Variants in DNAH11 observed in about 807,000 individuals in gnomAD.
The protein encoded by DNAH11 is axonemal beta dynein heavy chain 11.
DNAH11 carries 442 observed loss-of-function variants against 526.0 expected under a neutral mutation model. The observed-to-expected ratio is 0.84, with a 90% CI of 0.78 to 0.91. DNAH11 has a LOEUF of 0.91. DNAH11 is among the 40% of genes least tolerant of loss of function. The pLI is 0.00. For synonymous variants in DNAH11, 2,461 were observed against 1,935.9 expected, an observed-to-expected ratio of 1.27 and a Z score of -7.12; for missense variants, 6,989 against 5,448.7, an observed-to-expected ratio of 1.28 and a Z score of -8.90.
intron 18 of DNAH11, among the ~76,000 whole-genome samples, chr7:21,604,339 A>G (rs1785202634): frequency 6.6e-6 from 1 of 152,134 alleles, no homozygotes; most frequent in African/African-American, 2.4e-5. Context: ...CCTCACAGCA[A>G]CAGCCCCTTA....
At chr7:21,733,306 T>G (rs1785462084) in intron 45 of DNAH11, among the ~76,000 whole-genome samples, 2 of 152,152 alleles carry the variant, frequency 1.3e-5, no homozygotes, top group African/African-American at 4.8e-5. Flanking sequence ...GAGAATTGCT[T>G]GAACTCAGGA....
At chr7:21,648,615 A>G (rs1199994939) in intron 28 of DNAH11, among the ~76,000 whole-genome samples, 2 of 152,244 alleles carry the variant, frequency 1.3e-5, no homozygotes, top group Non-Finnish European at 2.9e-5. Context: ...GGACTAGCTG[A>G]GGCAACCCAA....
intron 36 of DNAH11, among the ~76,000 whole-genome samples, chr7:21,701,859 G>A (rs1021550021): frequency 1.3e-5 from 2 of 152,240 alleles, no homozygotes; most frequent in South Asian, 2.1e-4. Context: ...GAGGTAAAGT[G>A]TCTTTCCCAT....
chr7:21,899,387 C>A lies in DNAH11; in HGVS notation c.13101C>A (p.Asp4367Glu). The A allele has an allele frequency of 6.2e-7, 1 of 1,614,022 alleles. No homozygotes were observed. Among genetic ancestry groups the A allele is most frequent in the Non-Finnish European group, 8.5e-7 (1 of 1,179,884 alleles). Residue 4367 changes from aspartate (D) to glutamate (E), a missense_variant, in exon 80 of 82, where the codon GAC becomes GAA. Coordinates refer to ENST00000409508, the MANE Select transcript of DNAH11 (RefSeq NM_001277115.2). Reference sequence around the variant, plus strand: ...GAGAACTCGATACTTGGACACAAGACCTTACCCTTCCGGCTGTCGTGTGGC... The same window carrying A: ...GAGAACTCGATACTTGGACACAAGAACTTACCCTTCCGGCTGTCGTGTGGC... ...RCRELDTWTQDLTLPAVVWLS... is the reference protein window; with the variant it reads ...RCRELDTWTQELTLPAVVWLS...
intron 45 of DNAH11, among the ~76,000 whole-genome samples, chr7:21,730,776 G>A (rs11984111): frequency 0.02 from 3,110 of 152,244 alleles, 111 homozygotes; most frequent in African/African-American, 0.07. Context: ...CATGGTGACT[G>A]TAATTAATAA....
At chr7:21,817,107 C>G (rs1277214781) in intron 64 of DNAH11, among the ~76,000 whole-genome samples, 3 of 152,106 alleles carry the variant, frequency 2.0e-5, no homozygotes, top group Non-Finnish European at 4.4e-5. Flanking sequence ...ATAGAAGGAT[C>G]TTAACATGGC....
chr7:21,594,526 A>G lies in DNAH11; in HGVS notation c.2667+2949A>G, dbSNP rs576828946. 2.6e-5 allele frequency among the ~76,000 whole-genome samples: 4 copies of G among 152,284 alleles called. No homozygotes were observed. The East Asian group carries it at 5.8e-4, about 22-fold the overall frequency. On this transcript the variant is annotated intron_variant, in intron 14 of 81. Transcript: ENST00000409508. ...TGCAGGAAAAAGATCAAATTGGAGC[A>G]GGGCAAGGGAATTCTGGAGGGTGGG...
chr7:21,716,632 T>C (rs192435149), intron 42 of DNAH11, among the ~76,000 whole-genome samples: 5 of 152,294 alleles, frequency 3.3e-5, no homozygotes, highest in African/African-American at 4.8e-5. Context: ...GCAGCTGATA[T>C]GGGGTAAAAT....
At chr7:21,696,810 T>C (rs946090505) in intron 35 of DNAH11, among the ~76,000 whole-genome samples, 5 of 152,178 alleles carry the variant, frequency 3.3e-5, no homozygotes, top group African/African-American at 1.2e-4. Context: ...GAGGAGTGGG[T>C]ACCTCATAGT....
intron 69 of DNAH11, among the ~76,000 whole-genome samples, chr7:21,863,108 A>G (rs1454704735): frequency 1.3e-5 from 2 of 151,880 alleles, no homozygotes; most frequent in Non-Finnish European, 2.9e-5. Flanking sequence ...CGTTCGTGAT[A>G]AGAAAAAAGA....
In DNAH11 at chr7:21,864,872, G is replaced by A. The variant is rs564335931; in HGVS notation, c.11496+215G>A. Among the ~76,000 whole-genome samples, 12 of 152,290 alleles carry A rather than the reference G, an allele frequency of 7.9e-5. No homozygotes were observed. In the South Asian group the frequency reaches 1.0e-3, roughly 13 times the overall value. Reference sequence around the variant, plus strand: ...AAAGGAGCTTTTGGCTTATGTATGCGTGGAAAAGTTAATAAATATGTACAA... The same window carrying A: ...AAAGGAGCTTTTGGCTTATGTATGCATGGAAAAGTTAATAAATATGTACAA... On this transcript the variant is annotated intron_variant, in intron 70 of 81. Transcript: ENST00000409508.
At chr7:21,775,956 C>G (rs1374303150) in intron 56 of DNAH11, among the ~76,000 whole-genome samples, 1 of 152,220 alleles carries the variant, frequency 6.6e-6, no homozygotes, top group Non-Finnish European at 1.5e-5. Flanking sequence ...ATAAGTGCTT[C>G]TGCCATACTT....
chr7:21,898,099 G>C (rs191508041), intron 79 of DNAH11, among the ~76,000 whole-genome samples: 12 of 152,156 alleles, frequency 7.9e-5, no homozygotes, highest in Non-Finnish European at 1.5e-4. Context: ...TCCCTTCTAA[G>C]TCATGATCTT....
chr7:21,901,550 CAGAACAAGACTCCA>C lies in DNAH11; in HGVS notation c.*297_*310del. On this transcript the variant is annotated 3_prime_UTR_variant, in exon 82 of 82. Transcript: ENST00000409508. ...CACCACTGCACTCCCTCCTGGGCAA[CAGAACAAGACTCCA>C]TCTCAAAAAAAAAAAAGTACATCAT... 1 of 217,030 alleles carries C rather than the reference CAGAACAAGACTCCA, an allele frequency of 4.6e-6. No homozygotes were observed. The highest frequency in any genetic ancestry group is 9.0e-6 in the Non-Finnish European group (1 of 111,670). The allele number at this position is 217,030 out of a possible 1,614,324, so 13.4% of individuals were successfully genotyped here.
intron 25 of DNAH11, among the ~76,000 whole-genome samples, chr7:21,633,559 A>G (rs887123340): frequency 2.6e-5 from 4 of 152,108 alleles, no homozygotes; most frequent in African/African-American, 9.7e-5. Flanking sequence ...ACTTTTTCCT[A>G]GTTCTAATAC....
chr7:21,615,506 C>T (rs951249983), intron 21 of DNAH11, among the ~76,000 whole-genome samples: 24 of 151,702 alleles, frequency 1.6e-4, no homozygotes, highest in African/African-American at 5.8e-4. Context: ...AATAAGCTGA[C>T]TGCCTCAAAT....
chr7:21,579,513 C>G (rs762030618), intron 8 of DNAH11, among the ~76,000 whole-genome samples: 5 of 151,976 alleles, frequency 3.3e-5, no homozygotes, highest in Admixed American at 6.6e-5. Flanking sequence ...TAAACTGAGA[C>G]CTGTAACATA....
intron 55 of DNAH11, 42 bp from the exon 56 acceptor site, chr7:21,773,724 T>C (rs1787538508): frequency 7.9e-7 from 1 of 1,271,458 alleles, no homozygotes; most frequent in South Asian, 2.0e-5. Flanking sequence ...GTATTTTTAA[T>C]TTGAGAGGAT....
At chr7:21,567,353 T>C (rs1469175118) in intron 6 of DNAH11, among the ~76,000 whole-genome samples, 1 of 152,218 alleles carries the variant, frequency 6.6e-6, no homozygotes, top group African/African-American at 2.4e-5. Flanking sequence ...GATAAAGTTT[T>C]TGTGAAAATT....
Sources: allele counts gnomAD v4.1 joint callset (sites outside exome capture counted in the v4.1 genomes callset), GRCh38; gene constraint gnomAD v4.1.1; transcripts MANE v1.5; gene names NCBI Gene and HGNC (gene_info 2026-07-23, HGNC 2026-07-21).